The following ZFAND3 variants were observed in gnomAD, a reference collection of about 807,000 sequenced individuals.
The protein encoded by ZFAND3 is zinc finger AN1-type containing 3, also known as AN1-type zinc finger protein 3.
Under a neutral mutation model 29.6 loss-of-function variants are expected in ZFAND3, and 10 were observed. The observed-to-expected ratio is 0.34, with a 90% CI of 0.21 to 0.57. ZFAND3 has a LOEUF of 0.57. Ranked by LOEUF, ZFAND3 falls within the 20% of genes least tolerant of loss-of-function variation. The probability of loss-of-function intolerance (pLI) is 0.86; values close to 1 mark genes in which losing one functional copy is unlikely to be tolerated. For synonymous variants in ZFAND3, 128 were observed against 112.6 expected, an observed-to-expected ratio of 1.14 and a Z score of -0.87; for missense variants, 230 against 304.5, an observed-to-expected ratio of 0.76 and a Z score of 1.82.
rs921945816 is a variant in ZFAND3 at position 38,152,504 on chromosome 6, G to A, written c.*115G>A. On this transcript the variant is annotated 3_prime_UTR_variant, in exon 6 of 6. Coordinates refer to ENST00000287218, the MANE Select transcript of ZFAND3 (RefSeq NM_021943.3). ...GCACGCGTCAGACTGCAGCCAGTCC[G>A]TTTCCTTTCTTTAGCCAGCCATCCT... The A allele has an allele frequency of 1.7e-5, 24 of 1,373,522 alleles. No homozygotes were observed. Among genetic ancestry groups the A allele is most frequent in the East Asian group, 5.4e-5 (2 of 37,224 alleles). 85.1% of individuals were successfully genotyped at this position (1,373,522 alleles called of 1,614,324 possible).
At chr6:37,849,743 A>G (rs2127378583) in intron 1 of ZFAND3, among the ~76,000 whole-genome samples, 1 of 152,278 alleles carries the variant, frequency 6.6e-6, no homozygotes, top group African/African-American at 2.4e-5. Context: ...TCCTTTTAAA[A>G]TGATATAGAG....
chr6:38,034,500 C>G (rs2127453074), intron 2 of ZFAND3, among the ~76,000 whole-genome samples: 1 of 152,280 alleles, frequency 6.6e-6, no homozygotes, highest in South Asian at 2.1e-4. Flanking sequence ...ACTGCAAAGC[C>G]AGCAGAGGGA....
intron 2 of ZFAND3, among the ~76,000 whole-genome samples, chr6:37,942,753 A>G (rs1761833849): frequency 6.6e-6 from 1 of 151,830 alleles, no homozygotes; most frequent in African/African-American, 2.4e-5. Flanking sequence ...ATAGGCTAAT[A>G]GTTTACTAAT....
At chr6:37,852,094 G>C (rs759295190) in intron 1 of ZFAND3, among the ~76,000 whole-genome samples, 2 of 152,196 alleles carry the variant, frequency 1.3e-5, no homozygotes, top group Non-Finnish European at 2.9e-5. Flanking sequence ...TATTCTAGCT[G>C]TAACAAAACC....
intron 2 of ZFAND3, among the ~76,000 whole-genome samples, chr6:37,965,075 A>G (rs1477250746): frequency 2.0e-5 from 3 of 152,218 alleles, no homozygotes; most frequent in Non-Finnish European, 2.9e-5. Flanking sequence ...CCCTCAACCT[A>G]TGACAATTCA....
chr6:37,918,341 C>G (rs187799830), intron 1 of ZFAND3, among the ~76,000 whole-genome samples: 23 of 152,214 alleles, frequency 1.5e-4, no homozygotes, highest in Middle Eastern at 3.4e-3. Context: ...TCCCAAAGTG[C>G]GAGGATTACA....
intron 1 of ZFAND3, among the ~76,000 whole-genome samples, chr6:37,915,137 A>G (rs1436189108): frequency 6.6e-6 from 1 of 151,960 alleles, no homozygotes; most frequent in African/African-American, 2.4e-5. Flanking sequence ...CTTTTTTTTA[A>G]ACCTCATGAA....
Position 38,076,617 on chromosome 6 carries a change from A to G in ZFAND3, c.296-5775A>G, listed in dbSNP as rs183433627. On this transcript the variant is annotated intron_variant, in intron 3 of 5. Transcript: ENST00000287218. ...TAGAACTTCTAACTCTGGGAGATTA[A>G]CACTTAGATTCCTTAAAAAGTTTTG... Among the ~76,000 whole-genome samples the G allele has an allele frequency of 2.0e-5, 3 of 152,360 alleles. No homozygotes were observed. The East Asian group carries it at 5.8e-4, about 29-fold the overall frequency.
chr6:38,058,722 G>A (rs984882980), intron 2 of ZFAND3, among the ~76,000 whole-genome samples: 4 of 152,130 alleles, frequency 2.6e-5, no homozygotes, highest in African/African-American at 4.8e-5. Flanking sequence ...TTGTCAAATG[G>A]ACCTGTCCTT....
chr6:38,078,733 T>C (rs149298981), intron 3 of ZFAND3, among the ~76,000 whole-genome samples: 64 of 152,278 alleles, frequency 4.2e-4, no homozygotes, highest in African/African-American at 1.2e-3. Context: ...CACACACACA[T>C]ACGTACTACA....
chr6:37,982,741 TA>T (rs1415612235), intron 2 of ZFAND3, among the ~76,000 whole-genome samples: 9 of 152,240 alleles, frequency 5.9e-5, no homozygotes, highest in Non-Finnish European at 1.3e-4. Context: ...GTATGGTATT[TA>T]TTTTTTTAAA....
chr6:37,931,993 G>A (rs1035305439), intron 2 of ZFAND3, among the ~76,000 whole-genome samples: 18 of 152,284 alleles, frequency 1.2e-4, no homozygotes, highest in African/African-American at 3.6e-4. Flanking sequence ...TATTCAGGCC[G>A]GGCGCAGTGG....
chr6:37,891,396 C>T (rs1765095546), intron 1 of ZFAND3, among the ~76,000 whole-genome samples: 1 of 139,946 alleles, frequency 7.1e-6, no homozygotes, highest in Non-Finnish European at 1.5e-5. Context: ...GATAATTTGA[C>T]AAATAGTTGG....
intron 1 of ZFAND3, among the ~76,000 whole-genome samples, chr6:37,820,430 A>T (rs1763643986): frequency 6.6e-6 from 1 of 152,044 alleles, no homozygotes; most frequent in South Asian, 2.1e-4. Flanking sequence ...CTAGGAGGGT[A>T]TTTCCTCTGA....
intron 2 of ZFAND3, among the ~76,000 whole-genome samples, chr6:37,999,473 C>T (rs1280199790): frequency 3.9e-5 from 6 of 152,168 alleles, no homozygotes; most frequent in Non-Finnish European, 8.8e-5. Context: ...AGAAACCTGA[C>T]AAACACTGCC....
Position 37,959,601 on chromosome 6 carries a change from A to G in ZFAND3, c.112+29602A>G, listed in dbSNP as rs566740034. On this transcript the variant is annotated intron_variant, in intron 2 of 5. Transcript: ENST00000287218. ...GTAATGATTTCACATAAATTGTCAA[A>G]TATGTAAATATTTGAATATACAAGA... Among the ~76,000 whole-genome samples the G allele has an allele frequency of 3.3e-5, 5 of 152,344 alleles. No homozygotes were observed. The South Asian group carries it at 6.2e-4, about 19-fold the overall frequency.
At chr6:38,138,399 C>G (rs942332557) in intron 5 of ZFAND3, among the ~76,000 whole-genome samples, 2 of 151,054 alleles carry the variant, frequency 1.3e-5, no homozygotes, top group Non-Finnish European at 3.0e-5. Context: ...AAATACAAAA[C>G]AAGTACATCT....
In ZFAND3 at chr6:38,117,255, CCTTTTT is replaced by C. The variant is rs1264311275; in HGVS notation, c.529+517_529+522del. Among the ~76,000 whole-genome samples, 443 of 123,332 alleles carry C rather than the reference CCTTTTT, an allele frequency of 3.6e-3. 3 individuals carry two copies. The highest frequency in any genetic ancestry group is 0.013 in the African/African-American group (421 of 32,956). The allele number at this position is 123,332 out of a possible 152,430, so 80.9% of individuals were successfully genotyped here. A position where few individuals can be genotyped will look rare whatever the true frequency, so the allele number is the denominator to read the frequency against. On this transcript the variant is annotated intron_variant, in intron 5 of 5. Transcript: ENST00000287218. ...CTAGTCAGTTAATACCTTGAAATAGCCTTTTTTTTTTTTTTTTTTTTTTCCTGGGCT... is the reference window on the plus strand; with the variant it reads ...CTAGTCAGTTAATACCTTGAAATAGCTTTTTTTTTTTTTTTTTCCTGGGCT...
intron 4 of ZFAND3, among the ~76,000 whole-genome samples, chr6:38,104,760 A>G (rs753855953): frequency 2.0e-5 from 3 of 152,198 alleles, no homozygotes; most frequent in Admixed American, 2.0e-4. Flanking sequence ...TTTGGACAAG[A>G]TAATTTTATG....
Sources: gnomAD v4.1 joint callset for allele counts (sites outside exome capture counted in the v4.1 genomes callset) on GRCh38, gnomAD v4.1.1 for gene constraint, MANE v1.5 for transcripts, NCBI Gene and HGNC (gene_info 2026-07-23, HGNC 2026-07-21) for gene names.